CNTN5: variants seen among roughly 807,000 people sequenced by gnomAD.
CNTN5 encodes the protein contactin 5.
Under a neutral mutation model 129.1 loss-of-function variants are expected in CNTN5, and 77 were observed. The ratio of observed to expected loss-of-function variants is 0.60; its 90% confidence interval spans 0.50 to 0.72. The LOEUF (loss-of-function observed/expected upper bound fraction) is 0.72. Among genes scored for constraint, CNTN5 ranks in the 30% least tolerant of loss-of-function variants. The pLI is 0.00. For missense variants in CNTN5, 1,478 were observed against 1,328.8 expected, an observed-to-expected ratio of 1.11 and a Z score of -1.75; for synonymous variants, 509 against 465.6, an observed-to-expected ratio of 1.09 and a Z score of -1.20.
intron 2 of CNTN5, among the ~76,000 whole-genome samples, chr11:99,354,317 G>A (rs183565451): frequency 9.2e-5 from 14 of 152,230 alleles, no homozygotes; most frequent in Admixed American, 8.5e-4. Context: ...ATCATCATTT[G>A]ACCTTAGAAT....
chr11:100,056,975 A>G (rs1943258753), intron 9 of CNTN5, among the ~76,000 whole-genome samples: 1 of 151,702 alleles, frequency 6.6e-6, no homozygotes, highest in South Asian at 2.1e-4. Context: ...TCCCAATAAC[A>G]TGGAACTTGT....
chr11:99,408,829 T>C (rs906187718), intron 2 of CNTN5, among the ~76,000 whole-genome samples: 3 of 152,240 alleles, frequency 2.0e-5, no homozygotes, highest in Non-Finnish European at 4.4e-5. Flanking sequence ...TGTGTAGTTT[T>C]ACATAAAACA....
At chr11:99,645,383 C>T (rs1470257074) in intron 3 of CNTN5, among the ~76,000 whole-genome samples, 3 of 151,444 alleles carry the variant, frequency 2.0e-5, no homozygotes, top group Middle Eastern at 3.4e-3. Context: ...ATACCCAGTA[C>T]CCAGTAATGG....
intron 7 of CNTN5, among the ~76,000 whole-genome samples, chr11:99,942,132 CTT>C (rs919476707): frequency 6.6e-5 from 10 of 152,054 alleles, no homozygotes; most frequent in African/African-American, 2.4e-4. Flanking sequence ...ACATAACACT[CTT>C]TTCAAAATTT....
intron 10 of CNTN5, among the ~76,000 whole-genome samples, chr11:100,065,387 T>A (rs1475876548): frequency 6.6e-6 from 1 of 152,064 alleles, no homozygotes; most frequent in Non-Finnish European, 1.5e-5. Flanking sequence ...GGTATGCACA[T>A]CATTTTATAA....
At chr11:99,624,652 A>G (rs637006) in intron 3 of CNTN5, among the ~76,000 whole-genome samples, 92,934 of 151,962 alleles carry the variant, frequency 0.61, 29,321 homozygotes, top group Admixed American at 0.74. Flanking sequence ...TAGCTGTAAC[A>G]TTCTTATATA....
At chr11:99,390,102 C>A (rs1281686002) in intron 2 of CNTN5, among the ~76,000 whole-genome samples, 1 of 150,532 alleles carries the variant, frequency 6.6e-6, no homozygotes, top group African/African-American at 2.4e-5. Context: ...AAACAAAATT[C>A]TTGTTCTCAA....
intron 2 of CNTN5, among the ~76,000 whole-genome samples, chr11:99,341,160 C>G (rs1866495586): frequency 6.6e-6 from 1 of 152,044 alleles, no homozygotes; most frequent in Non-Finnish European, 1.5e-5. Context: ...AGAGAGGCTT[C>G]TCTATGAAAG....
rs1258860771 is a variant in CNTN5 at position 100,350,329 on chromosome 11, C to T, written c.3031-373C>T. ...TCATTCCTCACTATTCCCATATATC[C>T]CCTCTCCATTCCCTGCTCTCATGCC... On this transcript the variant is annotated intron_variant, in intron 23 of 24. Coordinates refer to ENST00000524871, the MANE Select transcript of CNTN5 (RefSeq NM_014361.4). 7.2e-5 allele frequency among the ~76,000 whole-genome samples: 11 copies of T among 151,770 alleles called. No individual in the cohort carries two copies. In the South Asian group the frequency reaches 1.5e-3, roughly 20 times the overall value.
intron 17 of CNTN5, among the ~76,000 whole-genome samples, chr11:100,257,496 C>T (rs1232917208): frequency 6.6e-6 from 1 of 152,190 alleles, no homozygotes; most frequent in African/African-American, 2.4e-5. Context: ...GACTGGGACA[C>T]AACTCCCAGC....
At chr11:99,836,639 A>C (rs1013987493) in intron 4 of CNTN5, among the ~76,000 whole-genome samples, 5 of 151,986 alleles carry the variant, frequency 3.3e-5, no homozygotes, top group Admixed American at 3.3e-4. Context: ...ATGATTTATA[A>C]TCCTTTGGGT....
At chr11:99,104,108 C>T (rs1186244596) in intron 1 of CNTN5, among the ~76,000 whole-genome samples, 1 of 152,070 alleles carries the variant, frequency 6.6e-6, no homozygotes, top group Non-Finnish European at 1.5e-5. Context: ...AACATCATAG[C>T]AAATGTTAAG....
chr11:100,048,850 A>G (rs914150651), intron 9 of CNTN5, among the ~76,000 whole-genome samples: 2 of 152,172 alleles, frequency 1.3e-5, no homozygotes, highest in African/African-American at 2.4e-5. Flanking sequence ...TCAATGAAAT[A>G]TAAACAGGGT....
intron 2 of CNTN5, among the ~76,000 whole-genome samples, chr11:99,541,975 A>AAAAAG (rs1297966105): frequency 8.2e-6 from 1 of 121,366 alleles, no homozygotes; most frequent in African/African-American, 3.2e-5. Flanking sequence ...AAAAAAAAAA[A>AAAAAG]AAAAGAAAAG....
At chr11:100,218,033 T>C (rs1949180595) in intron 15 of CNTN5, among the ~76,000 whole-genome samples, 1 of 152,224 alleles carries the variant, frequency 6.6e-6, no homozygotes, top group East Asian at 1.9e-4. Flanking sequence ...TCAACTGAGA[T>C]ACTGTCCTCT....
chr11:99,698,008 G>T lies in CNTN5; in HGVS notation c.56-121536G>T, dbSNP rs149936556. ...AAAATTGAACATTAACCGTTTCGAC[G>T]ACTGTTTTACTGAACGTTTTTCATT... On this transcript the variant is annotated intron_variant, in intron 3 of 24. Coordinates refer to ENST00000524871, the MANE Select transcript of CNTN5 (RefSeq NM_014361.4). 1.7e-3 allele frequency among the ~76,000 whole-genome samples: 256 copies of T among 150,610 alleles called. 1 individual carries two copies. Among genetic ancestry groups the T allele is most frequent in the African/African-American group, 5.6e-3 (232 of 41,226 alleles).
At chr11:100,054,625 G>A (rs1001070854) in intron 9 of CNTN5, among the ~76,000 whole-genome samples, 2 of 151,700 alleles carry the variant, frequency 1.3e-5, no homozygotes, top group African/African-American at 2.4e-5. Context: ...GTATGCATTC[G>A]TTTCCATCTT....
At chr11:100,066,237 G>A (rs1943690708) in intron 10 of CNTN5, among the ~76,000 whole-genome samples, 1 of 152,078 alleles carries the variant, frequency 6.6e-6, no homozygotes, top group African/African-American at 2.4e-5. Context: ...ACATAATAGA[G>A]CAAGGGCATG....
intron 1 of CNTN5, among the ~76,000 whole-genome samples, chr11:99,144,385 A>T (rs1241169842): frequency 6.6e-6 from 1 of 152,234 alleles, no homozygotes; most frequent in Admixed American, 6.5e-5. Context: ...CATATTTCAT[A>T]AGAGAAGTTA....
Sources: allele counts gnomAD v4.1 joint callset (sites outside exome capture counted in the v4.1 genomes callset), GRCh38; gene constraint gnomAD v4.1.1; transcripts MANE v1.5; gene names NCBI Gene and HGNC (gene_info 2026-07-23, HGNC 2026-07-21).